Variants in CAMK4 observed in about 807,000 individuals in gnomAD.
The protein encoded by CAMK4 is calcium/calmodulin dependent protein kinase IV, also known as calcium/calmodulin-dependent protein kinase type IV.
In CAMK4, 22 loss-of-function variants were observed where a neutral mutation model predicts 44.9. The observed-to-expected ratio is 0.49, with a 90% CI of 0.35 to 0.70. The LOEUF is 0.70. CAMK4 is among the 30% of genes least tolerant of loss of function. CAMK4 has a pLI of 0.01. For synonymous variants in CAMK4, 218 were observed against 215.4 expected, an observed-to-expected ratio of 1.01 and a Z score of -0.11; for missense variants, 498 against 586.8, an observed-to-expected ratio of 0.85 and a Z score of 1.56.
chr5:111,406,994 A>C (rs1416648486), intron 5 of CAMK4, among the ~76,000 whole-genome samples: 1 of 152,182 alleles, frequency 6.6e-6, no homozygotes, highest in Non-Finnish European at 1.5e-5. Context: ...TAGGCTTTTA[A>C]GTAGGAGAAT....
chr5:111,336,828 T>C (rs1749425561), intron 1 of CAMK4, among the ~76,000 whole-genome samples: 1 of 150,952 alleles, frequency 6.6e-6, no homozygotes, highest in Non-Finnish European at 1.5e-5. Context: ...ATATTTTTTC[T>C]TTTTTTTAAA....
At chr5:111,474,641 T>C (rs1755174977) in intron 8 of CAMK4, among the ~76,000 whole-genome samples, 1 of 152,160 alleles carries the variant, frequency 6.6e-6, no homozygotes, top group African/African-American at 2.4e-5. Flanking sequence ...ATTAAAGTTG[T>C]TTTTAACTTA....
At chr5:111,249,803 C>T (rs1749411260) in intron 1 of CAMK4, among the ~76,000 whole-genome samples, 1 of 151,016 alleles carries the variant, frequency 6.6e-6, no homozygotes, top group Admixed American at 6.7e-5. Flanking sequence ...ATTGCTTTCT[C>T]AATATGCTTT....
chr5:111,435,973 G>A (rs1381082907), intron 5 of CAMK4, among the ~76,000 whole-genome samples: 1 of 152,002 alleles, frequency 6.6e-6, no homozygotes, highest in Non-Finnish European at 1.5e-5. Flanking sequence ...AATTGTTCCA[G>A]TTTTCTTTAT....
intron 5 of CAMK4, 150 bp downstream of exon 5, chr5:111,394,932 G>A: frequency 6.7e-6 from 4 of 597,954 alleles, no homozygotes; most frequent in Middle Eastern, 3.5e-4. Flanking sequence ...GAATAAGGTG[G>A]GCATGGTGGC....
At position 111,346,502 on chromosome 5, in the gene CAMK4, C is replaced by CTATCTATCTATCTATCTATCTATA. The variant is rs1196667647; in HGVS notation, c.240+2413_240+2414insATCTATCTATATATCTATCTATCT. Among the ~76,000 whole-genome samples the CTATCTATCTATCTATCTATCTATA allele has an allele frequency of 1.2e-3, 182 of 151,832 alleles. 2 individuals carry two copies. The highest frequency in any genetic ancestry group is 4.2e-3 in the African/African-American group (172 of 41,424). On this transcript the variant is annotated intron_variant, in intron 2 of 10. Coordinates refer to ENST00000282356, the MANE Select transcript of CAMK4 (RefSeq NM_001744.6). The stretch of plus-strand genomic sequence containing the variant: ...AAACTTTATCTATCTATCTATCTAT[C>CTATCTATCTATCTATCTATCTATA]TATCTATCTATCTCCATCCATCTAT...
chr5:111,293,067 G>C (rs779078756), intron 1 of CAMK4, among the ~76,000 whole-genome samples: 1 of 152,118 alleles, frequency 6.6e-6, no homozygotes, highest in South Asian at 2.1e-4. Context: ...ACAGAGAAAG[G>C]GCTTGATTTT....
intron 5 of CAMK4, among the ~76,000 whole-genome samples, chr5:111,442,446 A>G (rs576768572): frequency 3.4e-4 from 52 of 151,960 alleles, no homozygotes; most frequent in Non-Finnish European, 5.6e-4. Context: ...GCAGTAAGCC[A>G]AGATCGCACC....
At chr5:111,472,410 G>C (rs905640906) in intron 7 of CAMK4, among the ~76,000 whole-genome samples, 1 of 152,154 alleles carries the variant, frequency 6.6e-6, no homozygotes, top group Non-Finnish European at 1.5e-5. Flanking sequence ...ATCAAGAAAG[G>C]CCACTCTGGA....
chr5:111,236,728 TC>T (rs544302197), intron 1 of CAMK4, among the ~76,000 whole-genome samples: 153 of 152,276 alleles, frequency 1.0e-3, no homozygotes, highest in African/African-American at 3.5e-3. Context: ...ATTTCATAAT[TC>T]CCCATCTCCA....
rs753718264 is a variant in CAMK4 at position 111,274,373 on chromosome 5, T to A, written c.161+49729T>A. Among the ~76,000 whole-genome samples, 7 of 152,198 alleles carry A rather than the reference T, an allele frequency of 4.6e-5. 1 individual carries two copies. The highest frequency in any genetic ancestry group is 1.0e-4 in the Non-Finnish European group (7 of 68,030). ...CCTCCCCTAGAATGAAAGGTTTATT[T>A]TCGGAATTTGTTTGCTAATACATCC... On this transcript the variant is annotated intron_variant, in intron 1 of 10. Coordinates refer to ENST00000282356, the MANE Select transcript of CAMK4 (RefSeq NM_001744.6).
At chr5:111,293,948 T>G (rs535779597) in intron 1 of CAMK4, among the ~76,000 whole-genome samples, 8 of 151,706 alleles carry the variant, frequency 5.3e-5, no homozygotes, top group Admixed American at 5.3e-4. Context: ...AGGGTTTCAC[T>G]GTGTTAGCCA....
Position 111,488,254 on chromosome 5 carries a change from A to G in CAMK4, c.*3788A>G, listed in dbSNP as rs953844070. On this transcript the variant is annotated 3_prime_UTR_variant, in exon 11 of 11. Coordinates refer to ENST00000282356, the MANE Select transcript of CAMK4 (RefSeq NM_001744.6). ...TGATGAAGATTGTGTAATGATGGTG[A>G]TATCATGCCAGTTATCCTCAAAGTG... The G allele has an allele frequency of 6.6e-6, 1 of 152,234 alleles. No individual in the cohort carries two copies. The highest frequency in any genetic ancestry group is 1.5e-5 in the Non-Finnish European group (1 of 68,044). The allele number at this position is 152,234 out of a possible 1,614,324, so 9.4% of individuals were successfully genotyped here.
rs1747190013 is a variant in CAMK4 at position 111,290,331 on chromosome 5, A to C, written c.162-53693A>C. On this transcript the variant is annotated intron_variant, in intron 1 of 10. Transcript: ENST00000282356. This position sits in a 1 kb window ranked among gnomAD's most constrained non-coding sequence, Gnocchi z 4.5. ...AAACATTTTTGCATCTTCTTGTCAT[A>C]CATTAATCCCTAGCCAGAGATTAGA... Among the ~76,000 whole-genome samples the C allele has an allele frequency of 6.6e-6, 1 of 152,230 alleles. No individual in the cohort carries two copies. The highest frequency in any genetic ancestry group is 6.5e-5 in the Admixed American group (1 of 15,280).
At chr5:111,247,561 G>A (rs1749295236) in intron 1 of CAMK4, among the ~76,000 whole-genome samples, 1 of 150,946 alleles carries the variant, frequency 6.6e-6, no homozygotes, top group Non-Finnish European at 1.5e-5. Context: ...TCAAGGAATT[G>A]GGAAGGCTAG....
chr5:111,462,393 A>C (rs564174705), intron 7 of CAMK4, among the ~76,000 whole-genome samples: 85 of 152,336 alleles, frequency 5.6e-4, no homozygotes, highest in African/African-American at 1.6e-3. Context: ...TCCTAGATGA[A>C]AAAGACTTGT....
At chr5:111,465,262 A>T (rs1250399281) in intron 7 of CAMK4, among the ~76,000 whole-genome samples, 1 of 152,054 alleles carries the variant, frequency 6.6e-6, no homozygotes, top group Non-Finnish European at 1.5e-5. Context: ...GAAAGAGCAC[A>T]AATAGACAAT....
At chr5:111,480,424 C>G (rs1479290766) in intron 9 of CAMK4, among the ~76,000 whole-genome samples, 1 of 152,024 alleles carries the variant, frequency 6.6e-6, no homozygotes, top group African/African-American at 2.4e-5. Context: ...CCCTGCACTC[C>G]CCAGTTCATA....
At chr5:111,393,644 C>T (rs1360308207) in intron 4 of CAMK4, among the ~76,000 whole-genome samples, 4 of 152,118 alleles carry the variant, frequency 2.6e-5, no homozygotes, top group South Asian at 2.1e-4. Flanking sequence ...AAACCAAATA[C>T]CACATGTTCT....
Sources: gnomAD v4.1 joint callset for allele counts (sites outside exome capture counted in the v4.1 genomes callset) on GRCh38, gnomAD v4.1.1 for gene constraint, Gnocchi (gnomAD v3.1) non-coding constraint, MANE v1.5 for transcripts, NCBI Gene and HGNC (gene_info 2026-07-23, HGNC 2026-07-21) for gene names.